Variants in TMEM135 observed in about 807,000 individuals in gnomAD.
The protein encoded by TMEM135 is transmembrane protein 135, also known as peroxisomal membrane protein 52.
Under a neutral mutation model 60.3 loss-of-function variants are expected in TMEM135, and 30 were observed. The ratio of observed to expected loss-of-function variants is 0.50; its 90% CI spans 0.37 to 0.68. The LOEUF (loss-of-function observed/expected upper bound fraction) is 0.68. TMEM135 is among the 30% of genes least tolerant of loss of function. The pLI is 0.00. For missense variants in TMEM135, 468 were observed against 548.8 expected (o/e 0.85, Z 1.47); for synonymous variants, 190 against 186.7 (o/e 1.02, Z -0.14).
chr11:87,182,596 C>T (rs477156), intron 5 of TMEM135, among the ~76,000 whole-genome samples: 20,128 of 152,056 alleles, frequency 0.13, 1,393 homozygotes, highest in Non-Finnish European at 0.15. Context: ...AACAATTGAC[C>T]TTAATGTTAA....
At chr11:87,162,130 GAA>G (rs1172581659) in intron 5 of TMEM135, among the ~76,000 whole-genome samples, 1 of 151,466 alleles carries the variant, frequency 6.6e-6, no homozygotes, top group East Asian at 1.9e-4. Flanking sequence ...AAATAATAAA[GAA>G]ATAAATGACT....
At chr11:87,067,961 T>TTCACA in intron 2 of TMEM135, 140 bp downstream of exon 2, 1 of 1,060,032 alleles carries the variant, frequency 9.4e-7, no homozygotes, top group Non-Finnish European at 1.4e-6. Context: ...TTTATGTCAA[T>TTCACA]GAAAGCTTGT....
intron 3 of TMEM135, among the ~76,000 whole-genome samples, chr11:87,087,537 A>T (rs1166273096): frequency 6.6e-6 from 1 of 152,190 alleles, no homozygotes; most frequent in Non-Finnish European, 1.5e-5. Flanking sequence ...GAAGTGTATG[A>T]TAAGTTTTGA....
intron 6 of TMEM135, among the ~76,000 whole-genome samples, chr11:87,265,900 G>C (rs1190341870): frequency 6.6e-6 from 1 of 152,104 alleles, no homozygotes. Flanking sequence ...TTCTGAGAAA[G>C]TAATTTAAGA....
At position 87,328,620 on chromosome 11, in the gene TMEM135, T is replaced by C. The variant is rs549767573; in HGVS notation, c.*7287T>C. 2.7e-4 allele frequency: 123 copies of C among 454,070 alleles called. No homozygotes were observed. The highest frequency in any genetic ancestry group is 2.3e-3 in the African/African-American group (116 of 50,120). 28.1% of individuals were successfully genotyped at this position (454,070 alleles called of 1,614,324 possible). On this transcript the variant is annotated 3_prime_UTR_variant, in exon 15 of 15. Coordinates refer to ENST00000305494, the MANE Select transcript of TMEM135 (RefSeq NM_022918.4). ...TTTGATTTTCTATTCCGGAGTTACT[T>C]TACTTAGAATAATGGCCTCCAGCTC...
intron 5 of TMEM135, among the ~76,000 whole-genome samples, chr11:87,208,193 C>T (rs76412003): frequency 0.035 from 5,356 of 152,228 alleles, 285 homozygotes; most frequent in African/African-American, 0.11. Context: ...TCCAAACGAT[C>T]GCAATAGCTC....
intron 1 of TMEM135, among the ~76,000 whole-genome samples, chr11:87,062,714 C>T (rs770013006): frequency 3.9e-4 from 60 of 151,932 alleles, no homozygotes; most frequent in Non-Finnish European, 7.1e-4. Context: ...CCATCTGCCT[C>T]GGCCTCCCAA....
At chr11:87,287,024 G>A (rs111230397) in intron 6 of TMEM135, among the ~76,000 whole-genome samples, 3 of 152,258 alleles carry the variant, frequency 2.0e-5, no homozygotes, top group African/African-American at 7.2e-5. Flanking sequence ...TTATCAATGT[G>A]CACTATTTTA....
chr11:87,073,304 A>G (rs1200769967), intron 3 of TMEM135, among the ~76,000 whole-genome samples: 1 of 152,146 alleles, frequency 6.6e-6, no homozygotes, highest in Non-Finnish European at 1.5e-5. Context: ...AAGTGCTGGG[A>G]TTAGAGGTGT....
chr11:87,086,031 T>A (rs1857088215), intron 3 of TMEM135, among the ~76,000 whole-genome samples: 1 of 152,212 alleles, frequency 6.6e-6, no homozygotes, highest in Non-Finnish European at 1.5e-5. Flanking sequence ...TGTAGATTGT[T>A]AAGTTTTATG....
At chr11:87,155,412 GT>G (rs1480042145) in intron 4 of TMEM135, among the ~76,000 whole-genome samples, 9 of 152,112 alleles carry the variant, frequency 5.9e-5, no homozygotes, top group African/African-American at 1.9e-4. Flanking sequence ...ATAGTTTTAG[GT>G]CTTAAATTTA....
chr11:87,185,510 T>A (rs1028636660), intron 5 of TMEM135, among the ~76,000 whole-genome samples: 1 of 93,222 alleles, frequency 1.1e-5, no homozygotes, highest in South Asian at 4.2e-4. Context: ...ATATGTGGTG[T>A]TTTTTTTTCT....
At chr11:87,184,354 G>A (rs1008933630) in intron 5 of TMEM135, among the ~76,000 whole-genome samples, 1 of 152,118 alleles carries the variant, frequency 6.6e-6, no homozygotes, top group African/African-American at 2.4e-5. Flanking sequence ...TAGTAATAGA[G>A]TATGACTTTT....
At chr11:87,152,029 C>T (rs1354761859) in intron 4 of TMEM135, among the ~76,000 whole-genome samples, 2 of 152,180 alleles carry the variant, frequency 1.3e-5, no homozygotes, top group Non-Finnish European at 2.9e-5. Context: ...GACTGCTTTG[C>T]AGCCAATCCA....
intron 5 of TMEM135, among the ~76,000 whole-genome samples, chr11:87,228,417 T>C (rs1940813092): frequency 6.6e-6 from 1 of 152,166 alleles, no homozygotes; most frequent in Non-Finnish European, 1.5e-5. Context: ...TTAATTTTTG[T>C]TGAATGGATA....
At chr11:87,302,100 A>G (rs1942458375) in intron 7 of TMEM135, among the ~76,000 whole-genome samples, 196 bp from the exon 8 acceptor site, 1 of 152,174 alleles carries the variant, frequency 6.6e-6, no homozygotes, top group Non-Finnish European at 1.5e-5. Context: ...AATGACTATT[A>G]ATTTTTTTTG....
intron 12 of TMEM135, 78 bp downstream of exon 12, chr11:87,314,625 A>G: frequency 8.8e-7 from 1 of 1,133,064 alleles, no homozygotes; most frequent in Non-Finnish European, 1.3e-6. Context: ...CAGCAAATGT[A>G]TATCCCAATG....
chr11:87,112,000 C>A (rs1857764066), intron 4 of TMEM135, among the ~76,000 whole-genome samples: 1 of 152,078 alleles, frequency 6.6e-6, no homozygotes. Context: ...TGATTGATGA[C>A]CTTCTAGAAC....
chr11:87,111,429 C>T (rs4451755), intron 4 of TMEM135, among the ~76,000 whole-genome samples: 83,107 of 151,320 alleles, frequency 0.55, 23,646 homozygotes, highest in East Asian at 0.71. Flanking sequence ...GGGTGGATCA[C>T]GAGGTCAGGA....
Sources: allele counts gnomAD v4.1 joint callset (sites outside exome capture counted in the v4.1 genomes callset), GRCh38; gene constraint gnomAD v4.1.1; transcripts MANE v1.5; gene names NCBI Gene and HGNC (gene_info 2026-07-23, HGNC 2026-07-21).